PSMG1: variants seen among roughly 807,000 people sequenced by gnomAD.
PSMG1 encodes proteasome assembly chaperone 1, also known as Down syndrome critical region gene 2.
PSMG1 carries 23 observed loss-of-function variants against 37.2 expected under a neutral mutation model. The observed-to-expected ratio is 0.62, with a 90% CI of 0.44 to 0.88. The LOEUF is 0.88. Among genes scored for constraint, PSMG1 ranks in the 40% least tolerant of loss-of-function variants. PSMG1 has a pLI of 0.00. For synonymous variants in PSMG1, 127 were observed against 128.0 expected (o/e 0.99, Z 0.05); for missense variants, 340 against 344.2 (o/e 0.99, Z 0.10).
intron 1 of PSMG1, among the ~76,000 whole-genome samples, chr21:39,182,140 GAC>G (rs1265151659): frequency 1.3e-5 from 2 of 152,220 alleles, no homozygotes; most frequent in Non-Finnish European, 2.9e-5. Context: ...CTAAAAGTGA[GAC>G]AGCTGGGGAT....
chr21:39,181,195 G>A (rs2030813654), intron 2 of PSMG1, among the ~76,000 whole-genome samples: 1 of 152,046 alleles, frequency 6.6e-6, no homozygotes, highest in Non-Finnish European at 1.5e-5. Flanking sequence ...ACGATCAGTG[G>A]GAGGATCGTG....
chr21:39,178,680 C>T, intron 4 of PSMG1, 33 bp from the exon 5 acceptor site: 1 of 1,561,500 alleles, frequency 6.4e-7, no homozygotes, highest in Non-Finnish European at 8.7e-7. Flanking sequence ...TTAAAAAAAA[C>T]ATATAATTTT....
intron 4 of PSMG1, among the ~76,000 whole-genome samples, chr21:39,179,326 C>A (rs1283853754): frequency 6.6e-6 from 1 of 152,082 alleles, no homozygotes; most frequent in Non-Finnish European, 1.5e-5. Flanking sequence ...AAGGGGCCTG[C>A]GATGTGGAGT....
Position 39,181,956 on chromosome 21 carries a change from T to A in PSMG1, c.135-78A>T, listed in dbSNP as rs181694883. On this transcript the variant is annotated intron_variant, in intron 1 of 6. Transcript: ENST00000331573. ...TGGCAAAAGGGCACTATATGTATGA[T>A]TTACAATAAATAAAATGCACGTTAG... 43 of 854,712 alleles carry A rather than the reference T, an allele frequency of 5.0e-5. No homozygotes were observed. The Admixed American group carries it at 1.2e-3, about 25-fold the overall frequency. The allele number at this position is 854,712 out of a possible 1,614,324, so 52.9% of individuals were successfully genotyped here.
chr21:39,178,331 A>G, intron 5 of PSMG1, 118 bp downstream of exon 5: 1 of 882,190 alleles, frequency 1.1e-6, no homozygotes, highest in South Asian at 1.7e-5. Flanking sequence ...GAGGACTAAC[A>G]GCAATATATT....
rs2030844854 is a variant in PSMG1 at position 39,181,941 on chromosome 21, GCACT to G, written c.135-67_135-64del. 11 of 1,031,036 alleles carry G rather than the reference GCACT, an allele frequency of 1.1e-5. 1 individual carries two copies. The South Asian group carries it at 1.9e-4, about 18-fold the overall frequency. 63.9% of individuals were successfully genotyped at this position (1,031,036 alleles called of 1,614,324 possible). ...ATATAAACAGTATCATGGCAAAAGG[GCACT>G]ATATGTATGATTTACAATAAATAAA... On this transcript the variant is annotated intron_variant, in intron 1 of 6. Coordinates refer to ENST00000331573, the MANE Select transcript of PSMG1 (RefSeq NM_003720.4).
intron 6 of PSMG1, 86 bp from the exon 7 acceptor site, chr21:39,175,750 C>T: frequency 2.3e-6 from 2 of 862,980 alleles, no homozygotes; most frequent in South Asian, 2.8e-5. Flanking sequence ...CAACAATCTC[C>T]ACACTCGAGA....
At position 39,177,671 on chromosome 21, in the gene PSMG1, T is replaced by G. The variant is rs928120002; in HGVS notation, c.656-100A>C. ...TAAAGGCTGTTGTTAAAAGTAGTTA[T>G]CTCAGCTGCCTCTTTCAATCAAGGT... On this transcript the variant is annotated intron_variant, in intron 5 of 6. Coordinates refer to ENST00000331573, the MANE Select transcript of PSMG1 (RefSeq NM_003720.4). The G allele has an allele frequency of 3.2e-6, 3 of 927,832 alleles. No homozygotes were observed. The Admixed American group carries it at 1.2e-4, about 37-fold the overall frequency. The allele number at this position is 927,832 out of a possible 1,614,324, so 57.5% of individuals were successfully genotyped here. A position where few individuals can be genotyped will look rare whatever the true frequency, so the allele number is the denominator to read the frequency against.
intron 6 of PSMG1, among the ~76,000 whole-genome samples, chr21:39,176,961 T>C (rs1229893532): frequency 6.6e-6 from 1 of 152,222 alleles, no homozygotes; most frequent in African/African-American, 2.4e-5. Context: ...CCAATTTTTT[T>C]AGAAAATGAG....
At chr21:39,175,736 C>T (rs1306888697) in intron 6 of PSMG1, 72 bp from the exon 7 acceptor site, 19 of 955,076 alleles carry the variant, frequency 2.0e-5, no homozygotes, top group Admixed American at 7.1e-5. Flanking sequence ...CCTCCCTCCA[C>T]GACCAACAAT....
At chr21:39,175,807 A>G in intron 6 of PSMG1, 143 bp from the exon 7 acceptor site, 2 of 580,980 alleles carry the variant, frequency 3.4e-6, no homozygotes, top group Non-Finnish European at 6.1e-6. Flanking sequence ...CTCCTTCTCA[A>G]CGAAAAGGCA....
chr21:39,175,606 C>T lies in PSMG1; in HGVS notation c.851G>A (p.Ser284Asn), dbSNP rs766653960. 1.1e-5 allele frequency: 18 copies of T among 1,593,190 alleles called. 1 individual carries two copies. In the South Asian group the frequency reaches 1.8e-4, roughly 16 times the overall value. Residue 284 changes from serine to asparagine, a missense_variant, in exon 7 of 7, where the codon AGT (serine) becomes AAT (asparagine). Coordinates refer to ENST00000331573, the MANE Select transcript of PSMG1 (RefSeq NM_003720.4). ...TGTTTAAGATCATGTATAAATGTTA[C>T]TCTGAATCTCATTTGTTGTCATCAA... is the stretch of plus-strand genomic sequence containing the variant. ...KKLMTTNEIQSNIYT is the reference protein window; with the variant it reads ...KKLMTTNEIQNNIYT
chr21:39,181,651 A>C, intron 2 of PSMG1, 121 bp downstream of exon 2: 1 of 593,032 alleles, frequency 1.7e-6, no homozygotes, highest in Non-Finnish European at 2.7e-6. Flanking sequence ...TTACTCAGAA[A>C]TACAATCACT....
At chr21:39,179,890 A>G (rs752879131) in intron 4 of PSMG1, 34 bp downstream of exon 4, 56 of 1,598,450 alleles carry the variant, frequency 3.5e-5, no homozygotes, top group Non-Finnish European at 4.6e-5. Flanking sequence ...ACTCCTGTAG[A>G]CTAACCATTC....
intron 4 of PSMG1, among the ~76,000 whole-genome samples, chr21:39,179,667 C>T (rs886536058): frequency 6.6e-6 from 1 of 151,676 alleles, no homozygotes; most frequent in Non-Finnish European, 1.5e-5. Context: ...CTACCATCCT[C>T]AATGCTGAGG....
In PSMG1 at chr21:39,177,446, C is replaced by A. The variant is rs761548890; in HGVS notation, c.781G>T (p.Gly261Cys). The A allele has an allele frequency of 1.3e-6, 2 of 1,591,240 alleles. No homozygotes were observed. Among genetic ancestry groups the A allele is most frequent in the Non-Finnish European group, 1.7e-6 (2 of 1,172,274 alleles). The change falls in exon 6 of 7, where the codon GGT (glycine) becomes TGT (cysteine). Residue 261 changes from glycine (G) to cysteine (C), a missense_variant. Coordinates refer to ENST00000331573, the MANE Select transcript of PSMG1 (RefSeq NM_003720.4). ...AGTTAAAACCTTACCTTAACCAAAC[C>A]CTTCAAGCTTCTGGTAGAAAGTATA... ...KPILSTRSLK[G>C]LVKNIPQSTE...
rs866435612 is a variant in PSMG1 at position 39,183,381 on chromosome 21, G to A, written c.5C>T (p.Ala2Val). 1 of 1,575,600 alleles carries A rather than the reference G, an allele frequency of 6.3e-7. No homozygotes were observed. Among genetic ancestry groups the A allele is most frequent in the East Asian group, 2.4e-5 (1 of 42,242 alleles). Residue 2 changes from alanine to valine, a missense_variant, in exon 1 of 7, where the codon GCG becomes GTG. Transcript: ENST00000331573. The part of the protein sequence containing the change: M[A>V]ATFFGEVVKA... ...CACCACCTCTCCGAAGAACGTGGCCGCCATAGCCGCCCCGTGACCGGCTGG... is the reference window on the plus strand; with the variant it reads ...CACCACCTCTCCGAAGAACGTGGCCACCATAGCCGCCCCGTGACCGGCTGG...
At chr21:39,181,654 C>G (rs2030831169) in intron 2 of PSMG1, 118 bp downstream of exon 2, 1 of 598,174 alleles carries the variant, frequency 1.7e-6, no homozygotes, top group Non-Finnish European at 2.6e-6. Context: ...CTCAGAAATA[C>G]AATCACTCTA....
intron 4 of PSMG1, 95 bp downstream of exon 4, chr21:39,179,829 T>C: frequency 2.0e-6 from 2 of 1,008,274 alleles, no homozygotes; most frequent in Non-Finnish European, 2.9e-6. Flanking sequence ...GAAATAAATA[T>C]CTGACTGCAT....
Sources: allele counts gnomAD v4.1 joint callset (sites outside exome capture counted in the v4.1 genomes callset), GRCh38; gene constraint gnomAD v4.1.1; transcripts MANE v1.5; gene names NCBI Gene and HGNC (gene_info 2026-07-23, HGNC 2026-07-21).